ZNF837: variants seen among roughly 807,000 people sequenced by gnomAD.
The protein encoded by ZNF837 is zinc finger protein 837.
For missense variants in ZNF837, 955 were observed against 801.7 expected (o/e 1.19, Z -2.31); for synonymous variants, 475 against 365.2 (o/e 1.30, Z -3.43).
intron 1 of ZNF837, among the ~76,000 whole-genome samples, chr19:58,379,428 C>T (rs908627562): frequency 2.0e-5 from 3 of 152,338 alleles, no homozygotes; most frequent in African/African-American, 7.2e-5. Flanking sequence ...TCCCAGGATG[C>T]ACTGTCCAAC....
Position 58,368,497 on chromosome 19 carries a change from G to A in ZNF837, c.836C>T (p.Ala279Val). ...CAGCAGGCTGGAGGTGCGCGTGAAG[G>A]CCTTGCCGCACTCGTCGCAAGCGTA... ...RLYACDECGK[A>V]FTRTSSLLQH... is the part of the protein sequence containing the mutation. Residue 279 changes from alanine (A) to valine (V), a missense_variant, in exon 3 of 3, where the codon GCC becomes GTC. Ala to Val is a moderately conservative substitution (Grantham distance 64, BLOSUM62 0). Coordinates refer to ENST00000597582, the MANE Select transcript of ZNF837 (RefSeq NM_138466.2). 1 of 1,556,878 alleles carries A rather than the reference G, an allele frequency of 6.4e-7. No homozygotes were observed. Among genetic ancestry groups the A allele is most frequent in the Admixed American group, 1.9e-5 (1 of 52,366 alleles).
At chr19:58,374,587 T>C (rs1437089177) in intron 1 of ZNF837, among the ~76,000 whole-genome samples, 2 of 152,108 alleles carry the variant, frequency 1.3e-5, no homozygotes, top group Non-Finnish European at 2.9e-5. Context: ...TAAAATGTTC[T>C]GGAAATTATA....
Position 58,368,505 on chromosome 19 carries a change from G to A in ZNF837, c.828C>T (p.Cys276=), listed in dbSNP as rs1401460013. 3.9e-6 allele frequency: 6 copies of A among 1,550,098 alleles called. No homozygotes were observed. The highest frequency in any genetic ancestry group is 5.2e-6 in the Non-Finnish European group (6 of 1,148,880). The part of the protein sequence containing the change: ...PAQRLYACDE[C]GKAFTRTSSL... ...TGGAGGTGCGCGTGAAGGCCTTGCC[G>A]CACTCGTCGCAAGCGTACAGTCGCT... The change falls in exon 3 of 3, where the codon TGC becomes TGT. Residue 276 remains cysteine (C), a synonymous_variant. Coordinates refer to ENST00000597582, the MANE Select transcript of ZNF837 (RefSeq NM_138466.2).
In ZNF837 at chr19:58,375,918, ATTAT is replaced by A. The variant is rs535781968; in HGVS notation, c.-140+5019_-140+5022del. Reference sequence around the variant, plus strand: ...TGGTTTATTTATTTATTTTTATTTTATTATTTATTTATTTTTTTGACACAGAGTC... The same window carrying A: ...TGGTTTATTTATTTATTTTTATTTTATTATTTATTTTTTTGACACAGAGTC... On this transcript the variant is annotated intron_variant, in intron 1 of 2. Coordinates refer to ENST00000597582, the MANE Select transcript of ZNF837 (RefSeq NM_138466.2). Among the ~76,000 whole-genome samples the A allele has an allele frequency of 7.8e-3, 1,176 of 151,024 alleles. 11 individuals carry two copies. Among genetic ancestry groups the A allele is most frequent in the Non-Finnish European group, 0.013 (861 of 67,722 alleles).
At chr19:58,379,997 AAACAACAACAACAACAAC>A (rs72009505) in intron 1 of ZNF837, among the ~76,000 whole-genome samples, 1 of 143,596 alleles carries the variant, frequency 7.0e-6, no homozygotes, top group Non-Finnish European at 1.6e-5. Flanking sequence ...CTCCGTCTCA[AAACAACAACAACAACAAC>A]AACAACAAAA....
In ZNF837 at chr19:58,369,173, C is replaced by A; in HGVS notation, c.160G>T (p.Ala54Ser). The change falls in exon 3 of 3, where the codon GCG (alanine) becomes TCG (serine). Residue 54 changes from alanine to serine, a missense_variant. Ala to Ser is a moderately conservative substitution (Grantham distance 99). Transcript: ENST00000597582. ...CCTGGGGGAGTCGTCCTACCGCCCG[C>A]CGCTCCACGCAGGTCCCCCTTTTGA... The part of the protein sequence containing the change: ...PTQKGDLRGA[A>S]GGRTTPPGGG... 6.9e-7 allele frequency: 1 copy of A among 1,451,400 alleles called. No individual in the cohort carries two copies. Among genetic ancestry groups the A allele is most frequent in the Non-Finnish European group, 9.1e-7 (1 of 1,102,700 alleles). The allele number at this position is 1,451,400 out of a possible 1,614,324, so 89.9% of individuals were successfully genotyped here.
chr19:58,372,443 G>A (rs771657871), intron 1 of ZNF837, among the ~76,000 whole-genome samples: 3 of 150,898 alleles, frequency 2.0e-5, no homozygotes, highest in Non-Finnish European at 3.0e-5. Flanking sequence ...CGGGGGGGGC[G>A]GATCACGAGG....
intron 1 of ZNF837, among the ~76,000 whole-genome samples, chr19:58,370,846 G>T (rs2052193746): frequency 6.7e-6 from 1 of 150,262 alleles, no homozygotes; most frequent in Non-Finnish European, 1.5e-5. Flanking sequence ...AGTTAGCCGA[G>T]ATCGCACCAT....
At chr19:58,379,471 A>G (rs985783199) in intron 1 of ZNF837, among the ~76,000 whole-genome samples, 3 of 152,194 alleles carry the variant, frequency 2.0e-5, no homozygotes, top group African/African-American at 7.2e-5. Flanking sequence ...CATTCCAGCC[A>G]TGGACCCATG....
At chr19:58,375,401 TA>T (rs2052236875) in intron 1 of ZNF837, among the ~76,000 whole-genome samples, 1 of 149,326 alleles carries the variant, frequency 6.7e-6, no homozygotes, top group Non-Finnish European at 1.5e-5. Flanking sequence ...ACCTGAATTG[TA>T]AAATGGTTCA....
Position 58,369,205 on chromosome 19 carries a change from C to A in ZNF837, c.128G>T (p.Arg43Leu). Residue 43 changes from arginine to leucine, a missense_variant, in exon 3 of 3, where the codon CGC (arginine) becomes CTC (leucine). Physicochemically the swap from Arg to Leu is moderately radical, Grantham distance 102. Transcript: ENST00000597582. ...RPLEEDRAGS[R>L]PTQKGDLRGA... Reference sequence around the variant, plus strand: ...ACGCAGGTCCCCCTTTTGAGTGGGGCGGCTCCCAGCTCGGTCCTCTTCGAG... The same window carrying A: ...ACGCAGGTCCCCCTTTTGAGTGGGGAGGCTCCCAGCTCGGTCCTCTTCGAG... The A allele has an allele frequency of 6.9e-7, 1 of 1,445,842 alleles. No homozygotes were observed. Among genetic ancestry groups the A allele is most frequent in the Non-Finnish European group, 9.1e-7 (1 of 1,101,486 alleles). The allele number at this position is 1,445,842 out of a possible 1,614,324, so 89.6% of individuals were successfully genotyped here.
At position 58,367,726 on chromosome 19, in the gene ZNF837, G is replaced by A. The variant is rs961433586; in HGVS notation, c.*11C>T. 1.8e-5 allele frequency: 27 copies of A among 1,497,968 alleles called. No individual in the cohort carries two copies. The South Asian group carries it at 3.2e-4, about 18-fold the overall frequency. The allele number at this position is 1,497,968 out of a possible 1,614,324, so 92.8% of individuals were successfully genotyped here. A position where few individuals can be genotyped will look rare whatever the true frequency, so the allele number is the denominator to read the frequency against. ...CGCTTGGGCGACGCGTCGACTCTCG[G>A]CTCCCTGCAGTCAAGGCGCGGCGCG... On this transcript the variant is annotated 3_prime_UTR_variant, in exon 3 of 3. Transcript: ENST00000597582.
At chr19:58,374,533 G>A (rs1450667452) in intron 1 of ZNF837, among the ~76,000 whole-genome samples, 1 of 152,104 alleles carries the variant, frequency 6.6e-6, no homozygotes, top group Non-Finnish European at 1.5e-5. Flanking sequence ...TGAGGGGAAA[G>A]AGTGGGGAGT....
chr19:58,375,771 A>T (rs1407191243), intron 1 of ZNF837, among the ~76,000 whole-genome samples: 2 of 113,626 alleles, frequency 1.8e-5, no homozygotes, highest in African/African-American at 3.7e-5. Context: ...TTTTTTTTTT[A>T]AAGCAGAATG....
intron 1 of ZNF837, among the ~76,000 whole-genome samples, chr19:58,379,768 C>G (rs2052275376): frequency 6.6e-6 from 1 of 152,238 alleles, no homozygotes; most frequent in Non-Finnish European, 1.5e-5. Flanking sequence ...CACAGGAAAG[C>G]TAGTGAGGTT....
At position 58,368,073 on chromosome 19, in the gene ZNF837, C is replaced by G. The variant is rs771372409; in HGVS notation, c.1260G>C (p.Ala420=). The change falls in exon 3 of 3, where the codon GCG becomes GCC. Residue 420 remains alanine, a synonymous_variant. Coordinates refer to ENST00000597582, the MANE Select transcript of ZNF837 (RefSeq NM_138466.2). The stretch of plus-strand genomic sequence containing the variant: ...TGAAGGCCTTTTCGCACAGTGGGCA[C>G]GCGTAGGGCTTGGCGCTGCTGTGAG... The part of the protein sequence containing the change: ...QRTHSSAKPY[A]CPLCEKAFKG... The G allele has an allele frequency of 2.6e-6, 4 of 1,546,782 alleles. No individual in the cohort carries two copies. The South Asian group carries it at 3.5e-5, about 14-fold the overall frequency.
At chr19:58,380,860 C>G (rs1315408712) in intron 1 of ZNF837, 81 bp downstream of exon 1, 4 of 152,310 alleles carry the variant, frequency 2.6e-5, no homozygotes, top group African/African-American at 9.6e-5. Flanking sequence ...GGAGAGGGGA[C>G]TGGGGTGGTG....
rs1178477638 is a variant in ZNF837, at chr19:58,368,814, C to T, written c.519G>A (p.Gly173=). The T allele has an allele frequency of 6.5e-7, 1 of 1,546,342 alleles. No individual in the cohort carries two copies. The highest frequency in any genetic ancestry group is 2.4e-5 in the East Asian group (1 of 40,864). The change falls in exon 3 of 3, where the codon GGG becomes GGA. Residue 173 remains glycine, a synonymous_variant. Transcript: ENST00000597582. Reference sequence around the variant, plus strand: ...TCCTCGGGCAGGTCGGAGCGCCAGTCCCTGGTTGGCACGGCCAACAGTCCG... The same window carrying T: ...TCCTCGGGCAGGTCGGAGCGCCAGTTCCTGGTTGGCACGGCCAACAGTCCG... The part of the protein sequence containing the change: ...VHTDCWPCQP[G]TGAPTCPRTP...
Position 58,369,070 on chromosome 19 carries a change from A to G in ZNF837, c.263T>C (p.Val88Ala). 6.6e-7 allele frequency: 1 copy of G among 1,521,368 alleles called. No individual in the cohort carries two copies. The highest frequency in any genetic ancestry group is 1.2e-5 in the South Asian group (1 of 80,356). 94.2% of individuals were successfully genotyped at this position (1,521,368 alleles called of 1,614,324 possible). Reference sequence around the variant, plus strand: ...AGAGGTGGGGCCGCACGGCTCCCGCACGAGGGGTCTGGTCCCGGCGCTGTG... The same window carrying G: ...AGAGGTGGGGCCGCACGGCTCCCGCGCGAGGGGTCTGGTCCCGGCGCTGTG... ...TRHSAGTRPL[V>A]REPCGPTSSQ... The change falls in exon 3 of 3, where the codon GTG becomes GCG. Residue 88 changes from valine to alanine, a missense_variant. Coordinates refer to ENST00000597582, the MANE Select transcript of ZNF837 (RefSeq NM_138466.2).
Sources: gnomAD v4.1 joint callset for allele counts (sites outside exome capture counted in the v4.1 genomes callset) on GRCh38, gnomAD v4.1.1 for gene constraint, MANE v1.5 for transcripts, NCBI Gene and HGNC (gene_info 2026-07-23, HGNC 2026-07-21) for gene names.